Variants in DRC11 observed in about 807,000 individuals in gnomAD.
DRC11 encodes the protein dynein regulatory complex subunit 11, also known as IQ and AAA domain-containing protein 1.
At chr2:236,462,084 TG>T in the DRC11 span, among the ~76,000 whole-genome samples, 31 of 152,196 alleles carry the variant, frequency 2.0e-4, no homozygotes, top group African/African-American at 7.5e-4. This position sits in a 1 kb window ranked among gnomAD's most constrained non-coding sequence, Gnocchi z 6.4. Context: ...GCAGAAGCCC[TG>T]GGGTGGCTGA....
chr2:236,430,391 A>C, the DRC11 span, among the ~76,000 whole-genome samples: 2 of 152,230 alleles, frequency 1.3e-5, no homozygotes, highest in Non-Finnish European at 2.9e-5. This position sits in a 1 kb window ranked among gnomAD's most constrained non-coding sequence, Gnocchi z 6.0. Flanking sequence ...GTATACACAC[A>C]AATGCACATT....
chr2:236,484,875 T>C, the DRC11 span, among the ~76,000 whole-genome samples: 1 of 152,236 alleles, frequency 6.6e-6, no homozygotes, highest in Non-Finnish European at 1.5e-5. Flanking sequence ...CCCCCATTCC[T>C]TGGTGCCTCC....
chr2:236,344,320 G>GA, the DRC11 span, among the ~76,000 whole-genome samples: 1 of 152,152 alleles, frequency 6.6e-6, no homozygotes, highest in Admixed American at 6.5e-5. Flanking sequence ...TGTTTGGGTG[G>GA]AAAATCCCTC....
At chr2:236,322,229 CTTTTTT>C in the DRC11 span, among the ~76,000 whole-genome samples, 40 of 98,542 alleles carry the variant, frequency 4.1e-4, no homozygotes, top group African/African-American at 1.3e-3. Context: ...TTTCTTTCCT[CTTTTTT>C]TTTTTTTTTT....
At chr2:236,435,724 T>G in the DRC11 span, among the ~76,000 whole-genome samples, 4 of 152,090 alleles carry the variant, frequency 2.6e-5, no homozygotes, top group Non-Finnish European at 5.9e-5. Flanking sequence ...TCCCTTGACA[T>G]GTGGGGATTT....
At chr2:236,373,698 A>G in the DRC11 span, among the ~76,000 whole-genome samples, 3 of 152,152 alleles carry the variant, frequency 2.0e-5, no homozygotes, top group African/African-American at 7.2e-5. Context: ...CCATTGCTCA[A>G]ATTTATATGA....
the DRC11 span, among the ~76,000 whole-genome samples, chr2:236,330,777 A>G: frequency 3.9e-5 from 6 of 152,358 alleles, no homozygotes; most frequent in South Asian, 2.1e-4. This position sits in a 1 kb window ranked among gnomAD's most constrained non-coding sequence, Gnocchi z 5.5. Flanking sequence ...GCAGAGTTTG[A>G]GGAGTGCCTG....
chr2:236,311,697 C>CATGT, the DRC11 span, among the ~76,000 whole-genome samples: 3 of 138,706 alleles, frequency 2.2e-5, no homozygotes, highest in Non-Finnish European at 4.8e-5. The surrounding 1 kb of genome is among the most constrained non-coding windows in gnomAD (Gnocchi z 6.9). Flanking sequence ...GGATGGGGTG[C>CATGT]GTGTGTGTGT....
the DRC11 span, among the ~76,000 whole-genome samples, chr2:236,462,375 T>C: frequency 3.3e-5 from 5 of 152,168 alleles, no homozygotes; most frequent in South Asian, 1.0e-3. The surrounding 1 kb of genome is among the most constrained non-coding windows in gnomAD (Gnocchi z 6.4). Context: ...CACATGGCTG[T>C]AGAAACCCAC....
chr2:236,369,605 T>C, the DRC11 span, among the ~76,000 whole-genome samples: 6 of 152,246 alleles, frequency 3.9e-5, 1 homozygote, highest in Non-Finnish European at 7.3e-5. This position sits in a 1 kb window ranked among gnomAD's most constrained non-coding sequence, Gnocchi z 4.5. Flanking sequence ...AATCTCCAGA[T>C]GCACCATATT....
chr2:236,449,734 C>T, the DRC11 span, among the ~76,000 whole-genome samples: 1 of 152,200 alleles, frequency 6.6e-6, no homozygotes, highest in Non-Finnish European at 1.5e-5. This position sits in a 1 kb window ranked among gnomAD's most constrained non-coding sequence, Gnocchi z 5.1. Context: ...TCTTGGAGGC[C>T]TATTTCTCAT....
chr2:236,357,060 A>T, the DRC11 span, among the ~76,000 whole-genome samples: 17 of 74,370 alleles, frequency 2.3e-4, 1 homozygote, highest in Admixed American at 5.9e-4. Flanking sequence ...ATATCTATTT[A>T]TATATTCATA....
chr2:236,310,371 A>G, the DRC11 span, among the ~76,000 whole-genome samples: 2 of 152,214 alleles, frequency 1.3e-5, no homozygotes, highest in Non-Finnish European at 2.9e-5. The surrounding 1 kb of genome is among the most constrained non-coding windows in gnomAD (Gnocchi z 5.5). Flanking sequence ...ACACGGCACT[A>G]CTGTGCCCCA....
chr2:236,391,868 G>T, the DRC11 span: 1 of 851,982 alleles, frequency 1.2e-6, no homozygotes, highest in Non-Finnish European at 2.0e-6. This position sits in a 1 kb window ranked among gnomAD's most constrained non-coding sequence, Gnocchi z 4.5. Context: ...CCCGTGAGGT[G>T]TCCTGGCAAC....
At chr2:236,336,216 C>T in the DRC11 span, among the ~76,000 whole-genome samples, 3 of 152,142 alleles carry the variant, frequency 2.0e-5, no homozygotes, top group Non-Finnish European at 4.4e-5. This position sits in a 1 kb window ranked among gnomAD's most constrained non-coding sequence, Gnocchi z 7.3. Context: ...ATGTTGCAAA[C>T]ACAGTGGCTA....
the DRC11 span, chr2:236,392,383 GA>G: frequency 7.9e-7 from 1 of 1,272,406 alleles, no homozygotes; most frequent in South Asian, 1.4e-5. The surrounding 1 kb of genome is among the most constrained non-coding windows in gnomAD (Gnocchi z 5.1). Context: ...AAAAGAAAAA[GA>G]AAAAATTTTA....
the DRC11 span, among the ~76,000 whole-genome samples, chr2:236,311,710 G>T: frequency 6.6e-6 from 1 of 151,294 alleles, no homozygotes; most frequent in Non-Finnish European, 1.5e-5. This position sits in a 1 kb window ranked among gnomAD's most constrained non-coding sequence, Gnocchi z 6.9. Context: ...GTGTGTGTGT[G>T]TGTGTGTGTG....
At chr2:236,420,160 C>T in the DRC11 span, among the ~76,000 whole-genome samples, 3 of 152,176 alleles carry the variant, frequency 2.0e-5, no homozygotes, top group Non-Finnish European at 4.4e-5. This position sits in a 1 kb window ranked among gnomAD's most constrained non-coding sequence, Gnocchi z 4.8. Context: ...CTACACCAGA[C>T]GCATGGGGGT....
chr2:236,404,161 TAAAAAAA>T, the DRC11 span, among the ~76,000 whole-genome samples: 138 of 91,554 alleles, frequency 1.5e-3, 1 homozygote, highest in African/African-American at 5.2e-3. Context: ...AATGGAGAGT[TAAAAAAA>T]AAAAAAAAAA....
Sources: gnomAD v4.1 joint callset for allele counts (sites outside exome capture counted in the v4.1 genomes callset) on GRCh38, gnomAD v4.1.1 for gene constraint, Gnocchi (gnomAD v3.1) non-coding constraint, MANE v1.5 for transcripts, NCBI Gene and HGNC (gene_info 2026-07-23, HGNC 2026-07-21) for gene names.